LRIG3: variants seen among roughly 807,000 people sequenced by gnomAD.
The protein encoded by LRIG3 is leucine rich repeats and immunoglobulin like domains 3.
LRIG3 carries 76 observed loss-of-function variants against 114.5 expected under a neutral mutation model. The ratio of observed to expected loss-of-function variants is 0.66; its 90% CI spans 0.55 to 0.80. The LOEUF is 0.80. Ranked by LOEUF, LRIG3 falls within the 30% of genes least tolerant of loss-of-function variation. The pLI is 0.00. For synonymous variants in LRIG3, 512 were observed against 519.8 expected, an observed-to-expected ratio of 0.98 and a Z score of 0.20; for missense variants, 1,239 against 1,382.8, an observed-to-expected ratio of 0.90 and a Z score of 1.65.
Position 58,887,108 on chromosome 12 carries a change from C to G in LRIG3, c.1092-218G>C, listed in dbSNP as rs2120904304. ...AGTTTTTCCCTAAAATCCGAAAAAG[C>G]TGACACTGGCCCTATTAATTCCTCT... On this transcript the variant is annotated intron_variant, in intron 8 of 18. Coordinates refer to ENST00000320743, the MANE Select transcript of LRIG3 (RefSeq NM_153377.5). 8 of 501,212 alleles carry G rather than the reference C, an allele frequency of 1.6e-5. No homozygotes were observed. In the South Asian group the frequency reaches 2.3e-4, roughly 14 times the overall value. 31.0% of individuals were successfully genotyped at this position (501,212 alleles called of 1,614,324 possible).
In LRIG3 at chr12:58,880,605, C is replaced by CTATTT; in HGVS notation, c.1776_1777insAAATA (p.Val593LysfsTer2). On this transcript the variant is annotated frameshift_variant, in exon 13 of 19. Coordinates refer to ENST00000320743, the MANE Select transcript of LRIG3 (RefSeq NM_153377.5). LOFTEE classifies it high-confidence loss of function. Reference sequence around the variant, plus strand: ...CTATTTACTGTAAGCTTGGCTTTGACAGAGTAGGATGAACCAAAGTGATTG... The same window carrying CTATTT: ...CTATTTACTGTAAGCTTGGCTTTGACTATTTAGAGTAGGATGAACCAAAGTGATTG... The CTATTT allele has an allele frequency of 6.2e-7, 1 of 1,612,650 alleles. No homozygotes were observed.
At chr12:58,918,435 G>GA (rs969762409) in intron 1 of LRIG3, among the ~76,000 whole-genome samples, 1 of 151,776 alleles carries the variant, frequency 6.6e-6, no homozygotes, top group Admixed American at 6.6e-5. Flanking sequence ...CAGGAAAAAA[G>GA]AAAAAAAGTA....
intron 3 of LRIG3, among the ~76,000 whole-genome samples, chr12:58,912,018 C>T (rs1872296244): frequency 6.6e-6 from 1 of 152,062 alleles, no homozygotes. Flanking sequence ...AATCACTGGC[C>T]AGAGGTATTG....
At position 58,880,677 on chromosome 12, in the gene LRIG3, G is replaced by A. The variant is rs370483520; in HGVS notation, c.1705C>T (p.Arg569Cys). 1.9e-5 allele frequency: 31 copies of A among 1,614,064 alleles called. No individual in the cohort carries two copies. The highest frequency in any genetic ancestry group is 1.6e-4 in the Middle Eastern group (1 of 6,084). ...VMEYTTILRL[R>C]EVEFASEGKY... ...CCCTCACTGGCAAATTCCACCTCGC[G>A]CAGCCGAAGGATGGTGGTATACTCC... is the stretch of plus-strand genomic sequence containing the variant. Residue 569 changes from arginine (R) to cysteine (C), a missense_variant, in exon 13 of 19, where the codon CGC (arginine) becomes TGC (cysteine). Arg to Cys is a radical substitution (Grantham distance 180). Transcript: ENST00000320743.
chr12:58,885,501 T>C (rs1342213375), intron 10 of LRIG3, among the ~76,000 whole-genome samples: 1 of 152,126 alleles, frequency 6.6e-6, no homozygotes, highest in Admixed American at 6.5e-5. Context: ...CAATGCCTGA[T>C]ATATAGTGGA....
chr12:58,879,315 T>C (rs1871039458), intron 13 of LRIG3, among the ~76,000 whole-genome samples: 1 of 152,208 alleles, frequency 6.6e-6, no homozygotes, highest in Admixed American at 6.5e-5. Context: ...ACAGAAACAA[T>C]GAAGTCAGGA....
At chr12:58,893,149 T>C (rs962443371) in intron 3 of LRIG3, among the ~76,000 whole-genome samples, 1 of 152,184 alleles carries the variant, frequency 6.6e-6, no homozygotes, top group Non-Finnish European at 1.5e-5. Context: ...TGGCCGACTT[T>C]CTGTCAGGTG....
intron 8 of LRIG3, 105 bp downstream of exon 8, chr12:58,887,684 G>A: frequency 8.6e-7 from 1 of 1,165,616 alleles, no homozygotes; most frequent in South Asian, 1.4e-5. Flanking sequence ...CTACTTCTGA[G>A]GCTGTATGCA....
At chr12:58,887,678 T>G in intron 8 of LRIG3, 111 bp downstream of exon 8, 1 of 1,124,704 alleles carries the variant, frequency 8.9e-7, no homozygotes, top group African/African-American at 1.5e-5. Context: ...AAGATACTAC[T>G]TCTGAGGCTG....
intron 18 of LRIG3, 174 bp downstream of exon 18, chr12:58,873,881 C>T (rs1490996218): frequency 1.4e-6 from 1 of 710,586 alleles, no homozygotes; most frequent in Non-Finnish European, 2.4e-6. Flanking sequence ...CAAGTAAAAT[C>T]CCACCTCTGA....
chr12:58,872,511 T>A lies in LRIG3; in HGVS notation c.*61A>T. On this transcript the variant is annotated 3_prime_UTR_variant, in exon 19 of 19. Coordinates refer to ENST00000320743, the MANE Select transcript of LRIG3 (RefSeq NM_153377.5). ...CATTTAAAAAACATAAGATTCTCTC[T>A]CTTTTAAATAAAAGTTCACTTGAGG... 1.4e-6 allele frequency: 2 copies of A among 1,464,164 alleles called. No homozygotes were observed. Among genetic ancestry groups the A allele is most frequent in the South Asian group, 3.1e-5 (2 of 65,288 alleles). 90.7% of individuals were successfully genotyped at this position (1,464,164 alleles called of 1,614,324 possible).
chr12:58,906,738 G>A (rs1400091487), intron 3 of LRIG3, among the ~76,000 whole-genome samples: 1 of 152,052 alleles, frequency 6.6e-6, no homozygotes, highest in Non-Finnish European at 1.5e-5. Context: ...ACACATGGTA[G>A]GGCTCACAAC....
Position 58,878,875 on chromosome 12 carries a change from C to A in LRIG3, c.2032G>T (p.Ala678Ser). 1 of 1,614,204 alleles carries A rather than the reference C, an allele frequency of 6.2e-7. No homozygotes were observed. The highest frequency in any genetic ancestry group is 1.1e-5 in the South Asian group (1 of 91,090). ...IEDIGVYSCT[A>S]QNSAGSISAN... is the part of the protein sequence containing the mutation. The stretch of plus-strand genomic sequence containing the variant: ...GAAATACTTCCTGCACTGTTCTGAG[C>A]TGTGCAGCTGTATACCCCAATGTCC... Residue 678 changes from alanine (A) to serine (S), a missense_variant, in exon 14 of 19, where the codon GCT becomes TCT. Transcript: ENST00000320743.
Position 58,888,962 on chromosome 12 carries a change from G to A in LRIG3, c.660C>T (p.Leu220=), listed in dbSNP as rs749318596. 1.3e-5 allele frequency: 21 copies of A among 1,612,172 alleles called. No individual in the cohort carries two copies. Among genetic ancestry groups the A allele is most frequent in the Middle Eastern group, 3.3e-4 (2 of 6,050 alleles). ...TTTTAATCTTGTTTCGGTTCAATTC[G>A]CTGCATTGAGTATTACAAGAGTTAG... ...KMFKLPQLQH[L]ELNRNKIKNV... Residue 220 remains leucine (L), a splice_region_variant and synonymous_variant, in exon 6 of 19, where the codon CTC becomes CTT. Transcript: ENST00000320743.
rs1565617926 is a variant in LRIG3, at chr12:58,890,733, A to C, written c.447T>G (p.Thr149=). The C allele has an allele frequency of 1.9e-6, 3 of 1,607,162 alleles. No individual in the cohort carries two copies. The South Asian group carries it at 3.4e-5, about 18-fold the overall frequency. Residue 149 remains threonine, a synonymous_variant, in exon 4 of 19, where the codon ACT becomes ACG. Coordinates refer to ENST00000320743, the MANE Select transcript of LRIG3 (RefSeq NM_153377.5). ...AAATATTGTTGCTGCTAAGGTCCAA[A>C]GTTTCAAGGGACTGAAACTCTTTCA... The part of the protein sequence containing the change: ...EHLKEFQSLE[T]LDLSSNNISE...
intron 3 of LRIG3, among the ~76,000 whole-genome samples, chr12:58,905,580 T>C (rs565623279): frequency 1.2e-4 from 19 of 152,342 alleles, no homozygotes; most frequent in East Asian, 3.9e-4. Context: ...TGAAATGTAA[T>C]GTTCAATGTG....
chr12:58,908,196 A>G (rs1293247968), intron 3 of LRIG3, among the ~76,000 whole-genome samples: 2 of 152,230 alleles, frequency 1.3e-5, no homozygotes, highest in African/African-American at 4.8e-5. Context: ...GCGGAAAACC[A>G]TGTATCATCA....
At chr12:58,873,733 G>A (rs1366305902) in intron 18 of LRIG3, 15 of 382,514 alleles carry the variant, frequency 3.9e-5, no homozygotes, top group Non-Finnish European at 2.9e-5. Context: ...AAAGGCCGTG[G>A]GAGCCCAAAA....
chr12:58,887,965 T>C, intron 7 of LRIG3, 33 bp from the exon 8 acceptor site: 1 of 1,591,204 alleles, frequency 6.3e-7, no homozygotes, highest in Non-Finnish European at 8.6e-7. Context: ...CAATAGCTTT[T>C]ATTTTTCAAT....
Sources: gnomAD v4.1 joint callset for allele counts (sites outside exome capture counted in the v4.1 genomes callset) on GRCh38, gnomAD v4.1.1 for gene constraint, MANE v1.5 for transcripts, NCBI Gene and HGNC (gene_info 2026-07-23, HGNC 2026-07-21) for gene names.